Variants in TOPBP1 observed in about 807,000 individuals in gnomAD.
The protein encoded by TOPBP1 is DNA topoisomerase 2-binding protein 1.
Under a neutral mutation model 167.7 loss-of-function variants are expected in TOPBP1, and 28 were observed. That is an observed-to-expected ratio of 0.17 (90% CI 0.12 to 0.23). TOPBP1 has a LOEUF of 0.23. Ranked by LOEUF, TOPBP1 falls within the 10% of genes least tolerant of loss-of-function variation. TOPBP1 has a pLI of 1.00. For missense variants in TOPBP1, 1,554 were observed against 1,809.6 expected (o/e 0.86, Z 2.56); for synonymous variants, 598 against 611.4 (o/e 0.98, Z 0.32).
chr3:133,616,415 C>A (rs1166393324), intron 23 of TOPBP1, among the ~76,000 whole-genome samples: 2 of 152,180 alleles, frequency 1.3e-5, no homozygotes, highest in Non-Finnish European at 2.9e-5. Flanking sequence ...AGCCACCGTG[C>A]CTGGCCTCCA....
chr3:133,619,732 A>G (rs897306120), intron 20 of TOPBP1, among the ~76,000 whole-genome samples: 27 of 152,372 alleles, frequency 1.8e-4, no homozygotes, highest in African/African-American at 5.8e-4. Flanking sequence ...AAATGAGGCA[A>G]ATTAGATCTT....
rs63201860 is a variant in TOPBP1, at chr3:133,658,471, G to GA, written c.220-531dup. Among the ~76,000 whole-genome samples the GA allele has an allele frequency of 2.3e-3, 321 of 141,804 alleles. 2 individuals are homozygous for GA. The highest frequency in any genetic ancestry group is 7.8e-3 in the African/African-American group (294 of 37,880). The allele number at this position is 141,804 out of a possible 152,430, so 93.0% of individuals were successfully genotyped here. On this transcript the variant is annotated intron_variant, in intron 3 of 27. Coordinates refer to ENST00000260810, the MANE Select transcript of TOPBP1 (RefSeq NM_007027.4). ...GACAGAGTGAGACCCTATAACAAAA[G>GA]AAAAAAAAAAAGAAAAGAAAAGAAA...
chr3:133,627,686 G>A (rs1336296632), intron 16 of TOPBP1, among the ~76,000 whole-genome samples: 1 of 152,094 alleles, frequency 6.6e-6, no homozygotes, highest in East Asian at 1.9e-4. Flanking sequence ...TCTATGAATG[G>A]CTGAACACAA....
chr3:133,613,784 CTTTTTTTTTT>C (rs11393295), intron 23 of TOPBP1, among the ~76,000 whole-genome samples: 6 of 127,264 alleles, frequency 4.7e-5, no homozygotes, highest in African/African-American at 1.8e-4. Context: ...ATATCAAGGA[CTTTTTTTTTT>C]TTTTTTTTTG....
intron 25 of TOPBP1, among the ~76,000 whole-genome samples, chr3:133,610,163 G>A (rs1258607424): frequency 6.6e-6 from 1 of 151,926 alleles, no homozygotes; most frequent in Non-Finnish European, 1.5e-5. Flanking sequence ...TATTGTGGGA[G>A]CATTCCTTAT....
At chr3:133,632,233 C>T (rs1285324110) in intron 14 of TOPBP1, among the ~76,000 whole-genome samples, 1 of 151,528 alleles carries the variant, frequency 6.6e-6, no homozygotes, top group Non-Finnish European at 1.5e-5. Context: ...AGTGAAACCC[C>T]GTCTCTACTG....
At chr3:133,627,582 G>C (rs1363554994) in intron 16 of TOPBP1, among the ~76,000 whole-genome samples, 1 of 152,044 alleles carries the variant, frequency 6.6e-6, no homozygotes, top group Non-Finnish European at 1.5e-5. Flanking sequence ...TTATCAAATA[G>C]AAAACAAACT....
chr3:133,618,513 G>C, intron 20 of TOPBP1, 80 bp from the exon 21 acceptor site: 4 of 1,382,334 alleles, frequency 2.9e-6, no homozygotes, highest in Non-Finnish European at 4.0e-6. Context: ...GACCATAAAA[G>C]TTGTGGCTCA....
intron 14 of TOPBP1, among the ~76,000 whole-genome samples, chr3:133,633,543 C>T (rs562737538): frequency 6.6e-6 from 1 of 152,196 alleles, no homozygotes; most frequent in African/African-American, 2.4e-5. Flanking sequence ...ATAACCCCAA[C>T]ACTTTGGGAG....
At chr3:133,609,532 C>T (rs567576495) in intron 25 of TOPBP1, among the ~76,000 whole-genome samples, 17 of 152,210 alleles carry the variant, frequency 1.1e-4, no homozygotes, top group Admixed American at 2.6e-4. Context: ...AATTGTAATC[C>T]GAATGATAAT....
chr3:133,603,689 A>C (rs1302490507), intron 27 of TOPBP1, among the ~76,000 whole-genome samples: 1 of 152,136 alleles, frequency 6.6e-6, no homozygotes, highest in Non-Finnish European at 1.5e-5. Context: ...TTTGAAATAA[A>C]TGGGGTAAAA....
intron 25 of TOPBP1, among the ~76,000 whole-genome samples, chr3:133,609,939 CT>C (rs1196190132): frequency 1.3e-5 from 2 of 152,070 alleles, no homozygotes; most frequent in African/African-American, 4.8e-5. Context: ...ATTCCCAAAC[CT>C]TATGGGTGAT....
chr3:133,610,927 T>C, intron 25 of TOPBP1, 77 bp downstream of exon 25: 1 of 1,392,724 alleles, frequency 7.2e-7, no homozygotes, highest in Non-Finnish European at 9.5e-7. Flanking sequence ...CTGAAGCACA[T>C]TCTCTTTTAA....
chr3:133,601,427 G>GTTTGAAATC, intron 27 of TOPBP1, 34 bp from the exon 28 acceptor site: 1 of 1,400,108 alleles, frequency 7.1e-7, no homozygotes, highest in Non-Finnish European at 9.5e-7. Flanking sequence ...TTTTTAAAAT[G>GTTTGAAATC]ATTTCAAACA....
At chr3:133,618,903 A>G (rs1934987316) in intron 20 of TOPBP1, among the ~76,000 whole-genome samples, 1 of 152,126 alleles carries the variant, frequency 6.6e-6, no homozygotes, top group Non-Finnish European at 1.5e-5. Context: ...AGGCTGCCTT[A>G]TCAGAAGGGC....
At chr3:133,625,283 G>C (rs1935233086) in intron 16 of TOPBP1, among the ~76,000 whole-genome samples, 1 of 152,092 alleles carries the variant, frequency 6.6e-6, no homozygotes, top group South Asian at 2.1e-4. Context: ...ATATTCTCTT[G>C]ACCTGGGAAA....
Position 133,644,217 on chromosome 3 carries a change from C to T in TOPBP1, c.1651G>A (p.Gly551Ser). 1 of 1,613,824 alleles carries T rather than the reference C, an allele frequency of 6.2e-7. No homozygotes were observed. The highest frequency in any genetic ancestry group is 1.1e-5 in the South Asian group (1 of 91,060). Residue 551 changes from glycine to serine, a missense_variant, in exon 11 of 28, where the codon GGC (glycine) becomes AGC (serine). This residue lies in a region of TOPBP1 where 1,197 missense variants were observed against 1,351.5 expected (regional missense o/e 0.89). Coordinates refer to ENST00000260810, the MANE Select transcript of TOPBP1 (RefSeq NM_007027.4). Reference sequence around the variant, plus strand: ...AGGAAACTCTTTTGGCTAAATAAGCCTTCTTCAGTAATTGTAGAAACATCA... The same window carrying T: ...AGGAAACTCTTTTGGCTAAATAAGCTTTCTTCAGTAATTGTAGAAACATCA... The part of the protein sequence containing the change: ...VPDVSTITEE[G>S]LFSQKSFLVL...
intron 12 of TOPBP1, 55 bp downstream of exon 12, chr3:133,643,145 C>G: frequency 7.0e-7 from 1 of 1,434,282 alleles, no homozygotes; most frequent in South Asian, 1.7e-5. Context: ...TCCAAGAAGT[C>G]AAAATAAATA....
intron 13 of TOPBP1, 56 bp from the exon 14 acceptor site, chr3:133,638,218 C>T (rs1935747037): frequency 7.3e-6 from 11 of 1,507,166 alleles, no homozygotes; most frequent in South Asian, 2.4e-5. Flanking sequence ...CACTTTTTCC[C>T]GGTACACAAG....
Sources: allele counts gnomAD v4.1 joint callset (sites outside exome capture counted in the v4.1 genomes callset), GRCh38; gene constraint gnomAD v4.1.1; regional missense constraint gnomAD v4.1.1; transcripts MANE v1.5; gene names NCBI Gene and HGNC (gene_info 2026-07-23, HGNC 2026-07-21).